Variants in EPHA5 observed in about 807,000 individuals in gnomAD.
EPHA5 encodes ephrin type-A receptor 5.
A neutral mutation model predicts 105.0 loss-of-function variants in EPHA5; 60 were observed. That is an observed-to-expected ratio of 0.57 (90% CI 0.46 to 0.71). EPHA5 has a LOEUF of 0.71. Among genes scored for constraint, EPHA5 ranks in the 30% least tolerant of loss-of-function variants. EPHA5 has a pLI of 0.00. For synonymous variants in EPHA5, 513 were observed against 449.1 expected (o/e 1.14, Z -1.80); for missense variants, 1,218 against 1,274.7 (o/e 0.96, Z 0.68).
intron 3 of EPHA5, 150 bp from the exon 4 acceptor site, chr4:65,495,693 C>A: frequency 1.8e-6 from 1 of 568,374 alleles, no homozygotes; most frequent in Non-Finnish European, 3.0e-6. Flanking sequence ...GCTTCTGGAT[C>A]ATAAATACCA....
At chr4:65,542,553 C>T (rs1736946898) in intron 3 of EPHA5, among the ~76,000 whole-genome samples, 1 of 151,878 alleles carries the variant, frequency 6.6e-6, no homozygotes, top group South Asian at 2.1e-4. Context: ...ATACAAATAA[C>T]AAGTTCTGAA....
At chr4:65,592,359 G>T (rs1742749245) in intron 3 of EPHA5, among the ~76,000 whole-genome samples, 1 of 152,102 alleles carries the variant, frequency 6.6e-6, no homozygotes. Context: ...TCAGTGGGAT[G>T]AGGCAGGCTC....
intron 5 of EPHA5, among the ~76,000 whole-genome samples, chr4:65,451,832 T>C (rs1416578543): frequency 3.3e-5 from 5 of 152,298 alleles, no homozygotes; most frequent in Admixed American, 1.3e-4. Flanking sequence ...TGAATGTGAC[T>C]GCAAATGAGA....
chr4:65,499,466 T>C (rs189468820), intron 3 of EPHA5, among the ~76,000 whole-genome samples: 1 of 151,768 alleles, frequency 6.6e-6, no homozygotes, highest in Non-Finnish European at 1.5e-5. Context: ...TTATTTTCCA[T>C]ATATACATCT....
intron 3 of EPHA5, among the ~76,000 whole-genome samples, chr4:65,566,077 A>G (rs917677919): frequency 4.6e-5 from 7 of 151,786 alleles, no homozygotes; most frequent in African/African-American, 1.7e-4. Flanking sequence ...GGCATTACAA[A>G]GAGACCTCTG....
chr4:65,389,414 C>T (rs1461152526), intron 8 of EPHA5, among the ~76,000 whole-genome samples: 4 of 151,920 alleles, frequency 2.6e-5, no homozygotes, highest in African/African-American at 9.7e-5. Context: ...TCTGTAATTG[C>T]ACATTATGAT....
chr4:65,419,473 ATCTGCATG>A (rs1196934712), intron 6 of EPHA5, among the ~76,000 whole-genome samples: 2 of 152,044 alleles, frequency 1.3e-5, no homozygotes, highest in African/African-American at 4.8e-5. Context: ...CTTTTTTGGG[ATCTGCATG>A]TCTGCATTTT....
intron 11 of EPHA5, among the ~76,000 whole-genome samples, chr4:65,357,874 A>C (rs913366854): frequency 2.6e-5 from 4 of 151,392 alleles, no homozygotes; most frequent in African/African-American, 2.4e-5. Flanking sequence ...TTAACTTATT[A>C]TGTGACTTTT....
At chr4:65,327,943 T>C (rs1012414417) in intron 16 of EPHA5, among the ~76,000 whole-genome samples, 4 of 151,114 alleles carry the variant, frequency 2.6e-5, no homozygotes, top group African/African-American at 9.7e-5. Context: ...TTGATGAAAA[T>C]AAAATATAAG....
At chr4:65,354,734 G>T (rs1168754612) in intron 11 of EPHA5, among the ~76,000 whole-genome samples, 1 of 151,586 alleles carries the variant, frequency 6.6e-6, no homozygotes, top group Non-Finnish European at 1.5e-5. Context: ...TACAACTATA[G>T]ATATAGAACA....
intron 7 of EPHA5, among the ~76,000 whole-genome samples, chr4:65,412,502 C>T (rs961585606): frequency 6.6e-6 from 1 of 151,978 alleles, no homozygotes; most frequent in Non-Finnish European, 1.5e-5. Flanking sequence ...TACATTCATT[C>T]TTTAAAAAGT....
intron 2 of EPHA5, among the ~76,000 whole-genome samples, chr4:65,625,296 T>A (rs1201556237): frequency 6.6e-6 from 1 of 152,138 alleles, no homozygotes; most frequent in African/African-American, 2.4e-5. Context: ...TAGTTTTTTT[T>A]AAACTGCTAG....
chr4:65,407,428 C>A (rs1320886174), intron 7 of EPHA5, among the ~76,000 whole-genome samples: 2 of 152,040 alleles, frequency 1.3e-5, no homozygotes, highest in African/African-American at 4.8e-5. Context: ...CCTAAATTAA[C>A]AATGTGCTAA....
At chr4:65,656,575 T>TTTATATATATA (rs959988504) in intron 1 of EPHA5, among the ~76,000 whole-genome samples, 2 of 147,464 alleles carry the variant, frequency 1.4e-5, no homozygotes, top group African/African-American at 4.9e-5. Flanking sequence ...CATGTAGCAT[T>TTTATATATATA]TTATATATAT....
chr4:65,663,253 A>G (rs1342913260), intron 1 of EPHA5, among the ~76,000 whole-genome samples: 1 of 152,140 alleles, frequency 6.6e-6, no homozygotes, highest in Non-Finnish European at 1.5e-5. Context: ...TATAGAAATG[A>G]CTGCTTATGG....
chr4:65,601,519 G>A, intron 3 of EPHA5, 122 bp downstream of exon 3: 1 of 993,808 alleles, frequency 1.0e-6, no homozygotes, highest in Non-Finnish European at 1.5e-6. Context: ...TAAAACTTGA[G>A]AGAAATAATC....
intron 8 of EPHA5, among the ~76,000 whole-genome samples, chr4:65,394,469 A>G (rs1721020990): frequency 6.6e-6 from 1 of 152,186 alleles, no homozygotes; most frequent in East Asian, 1.9e-4. Flanking sequence ...CACAGATAAA[A>G]ATCTCTATTA....
intron 3 of EPHA5, among the ~76,000 whole-genome samples, chr4:65,534,968 T>C (rs1736153986): frequency 6.6e-6 from 1 of 152,212 alleles, no homozygotes; most frequent in Admixed American, 6.5e-5. Context: ...TATGTTATCA[T>C]ATTTCTTATG....
At chr4:65,509,516 G>A (rs1733391327) in intron 3 of EPHA5, among the ~76,000 whole-genome samples, 1 of 152,040 alleles carries the variant, frequency 6.6e-6, no homozygotes, top group Non-Finnish European at 1.5e-5. Context: ...CTGATTATAG[G>A]GATGGTTAGA....
Sources: gnomAD v4.1 joint callset for allele counts (sites outside exome capture counted in the v4.1 genomes callset) on GRCh38, gnomAD v4.1.1 for gene constraint, MANE v1.5 for transcripts, NCBI Gene and HGNC (gene_info 2026-07-23, HGNC 2026-07-21) for gene names.